The following LDLRAP1 variants were observed in gnomAD, a reference collection of about 807,000 sequenced individuals.
The protein encoded by LDLRAP1 is low density lipoprotein receptor adaptor protein 1.
Under a neutral mutation model 37.8 loss-of-function variants are expected in LDLRAP1, and 30 were observed. The ratio of observed to expected loss-of-function variants is 0.79; its 90% confidence interval spans 0.59 to 1.08. The LOEUF (loss-of-function observed/expected upper bound fraction) is 1.08, where lower values mean the gene tolerates loss of function less well. Among genes scored for constraint, LDLRAP1 ranks in the 50% least tolerant of loss-of-function variants. The pLI, the probability that LDLRAP1 is intolerant of heterozygous loss-of-function variation, is 0.00. For synonymous variants in LDLRAP1, 156 were observed against 169.8 expected (o/e 0.92, Z 0.63); for missense variants, 375 against 401.6 (o/e 0.93, Z 0.57).
intron 1 of LDLRAP1, among the ~76,000 whole-genome samples, chr1:25,546,206 T>C (rs988488290): frequency 6.6e-5 from 10 of 152,208 alleles, no homozygotes; most frequent in African/African-American, 2.4e-4. Flanking sequence ...AGCCTGGCCT[T>C]GGACCTGGTC....
intron 4 of LDLRAP1, among the ~76,000 whole-genome samples, chr1:25,558,791 G>A (rs563753645): frequency 2.6e-5 from 4 of 152,264 alleles, no homozygotes; most frequent in Admixed American, 1.3e-4. Context: ...TGTAAAGCCC[G>A]TTTGCTGTGT....
chr1:25,582,314 T>G, the LDLRAP1 span, among the ~76,000 whole-genome samples: 3 of 152,182 alleles, frequency 2.0e-5, no homozygotes, highest in Non-Finnish European at 4.4e-5. Flanking sequence ...GGTCTGGGCG[T>G]GGTGGCTCAC....
chr1:25,557,455 A>T (rs2124675068), intron 4 of LDLRAP1, 188 bp downstream of exon 4: 1 of 606,934 alleles, frequency 1.6e-6, no homozygotes, highest in Non-Finnish European at 2.9e-6. Flanking sequence ...GCAGGCAGGC[A>T]GGTGAACCGC....
At position 25,554,056 on chromosome 1, in the gene LDLRAP1, G is replaced by A. The variant is rs767491845; in HGVS notation, c.223G>A (p.Val75Met). Residue 75 changes from valine to methionine, a missense_variant, in exon 2 of 9, where the codon GTG becomes ATG. By Grantham distance (21) the Val-to-Met change is conservative. Transcript: ENST00000374338. The surrounding 1 kb of genome is among the most constrained non-coding windows in gnomAD (Gnocchi z 5.4). Reference protein sequence around the residue: ...ELSAAAIKRIVATAKASGKKL... With the variant: ...ELSAAAIKRIMATAKASGKKL... ...GTCGGCCGCCGCCATCAAGAGGATC[G>A]TGGCTACAGTGAGCACCCCAGTCAG... The A allele has an allele frequency of 2.1e-5, 34 of 1,613,874 alleles. No individual in the cohort carries two copies. The highest frequency in any genetic ancestry group is 3.3e-4 in the Middle Eastern group (2 of 6,056).
At chr1:25,558,580 T>C (rs1557704695) in intron 4 of LDLRAP1, among the ~76,000 whole-genome samples, 3 of 152,192 alleles carry the variant, frequency 2.0e-5, no homozygotes, top group Admixed American at 6.5e-5. Context: ...TCCCAGAGAC[T>C]GATCACCTGC....
chr1:25,579,088 T>C, the LDLRAP1 span, among the ~76,000 whole-genome samples: 1 of 152,222 alleles, frequency 6.6e-6, no homozygotes, highest in South Asian at 2.1e-4. Flanking sequence ...CCTTGACTTG[T>C]AGCGCTTGTC....
the LDLRAP1 span, among the ~76,000 whole-genome samples, chr1:25,574,685 G>C: frequency 6.6e-6 from 1 of 152,196 alleles, no homozygotes; most frequent in African/African-American, 2.4e-5. Flanking sequence ...AGAGGCTGAT[G>C]CAGCGAGTGT....
At chr1:25,582,798 A>G in the LDLRAP1 span, among the ~76,000 whole-genome samples, 4 of 151,304 alleles carry the variant, frequency 2.6e-5, no homozygotes, top group East Asian at 4.0e-4. Context: ...TGAGCCGGGT[A>G]CGGTGGCTCA....
chr1:25,588,534 T>G, the LDLRAP1 span, among the ~76,000 whole-genome samples: 1 of 152,316 alleles, frequency 6.6e-6, no homozygotes, highest in East Asian at 1.9e-4. Context: ...TTAACCTTGT[T>G]TATGATGCAG....
chr1:25,548,335 CTTTTTTTT>C (rs144789866), intron 1 of LDLRAP1, among the ~76,000 whole-genome samples: 3 of 82,308 alleles, frequency 3.6e-5, no homozygotes, highest in Non-Finnish European at 4.2e-5. Context: ...GATGGATACT[CTTTTTTTT>C]TTTTTTTTTT....
chr1:25,563,213 G>A, intron 6 of LDLRAP1, 60 bp downstream of exon 6: 1 of 1,470,326 alleles, frequency 6.8e-7, no homozygotes, highest in South Asian at 1.1e-5. Context: ...CTTCACCCAG[G>A]GGGGTCCCAC....
At chr1:25,562,885 C>A in intron 5 of LDLRAP1, 169 bp downstream of exon 5, 3 of 804,300 alleles carry the variant, frequency 3.7e-6, no homozygotes, top group Non-Finnish European at 6.5e-6. Context: ...AAAATGGGAA[C>A]AGCCGTCTCC....
intron 1 of LDLRAP1, among the ~76,000 whole-genome samples, chr1:25,545,632 C>G (rs1456940066): frequency 1.3e-5 from 2 of 152,272 alleles, no homozygotes; most frequent in African/African-American, 4.8e-5. Context: ...AGAGGAGCAC[C>G]TCTCCCCCTC....
intron 1 of LDLRAP1, 29 bp from the exon 2 acceptor site, chr1:25,553,893 G>T: frequency 1.2e-6 from 2 of 1,611,852 alleles, no homozygotes; most frequent in Non-Finnish European, 1.7e-6. Flanking sequence ...GAGCCGCAGG[G>T]TCTGAGGGCC....
intron 1 of LDLRAP1, among the ~76,000 whole-genome samples, chr1:25,548,103 G>C (rs1354019008): frequency 6.6e-6 from 1 of 152,194 alleles, no homozygotes; most frequent in East Asian, 1.9e-4. Flanking sequence ...TCAATTATGA[G>C]CCATGGTCAA....
Position 25,551,149 on chromosome 1 carries a change from T to C in LDLRAP1, c.89-2773T>C, listed in dbSNP as rs149022374. Among the ~76,000 whole-genome samples the C allele has an allele frequency of 1.4e-4, 22 of 152,282 alleles. No individual in the cohort carries two copies. The East Asian group carries it at 4.2e-3, about 29-fold the overall frequency. On this transcript the variant is annotated intron_variant, in intron 1 of 8. Transcript: ENST00000374338. The stretch of plus-strand genomic sequence containing the variant: ...CAGAGGGAAGTAGAGCTGCAATTGA[T>C]TATCAATGTCTGCCAAGGGTGCGGG...
chr1:25,563,858 T>C, intron 7 of LDLRAP1, 67 bp downstream of exon 7: 1 of 1,602,498 alleles, frequency 6.2e-7, no homozygotes, highest in Non-Finnish European at 8.5e-7. Flanking sequence ...CTGGGGCTGC[T>C]CCAGGGACCA....
At chr1:25,545,083 CTAGGCCAG>C (rs2043901393) in intron 1 of LDLRAP1, among the ~76,000 whole-genome samples, 1 of 152,204 alleles carries the variant, frequency 6.6e-6, no homozygotes, top group South Asian at 2.1e-4. Context: ...GGCTGGGCCA[CTAGGCCAG>C]GGGATGTACC....
chr1:25,581,136 C>T, the LDLRAP1 span, among the ~76,000 whole-genome samples: 2 of 152,128 alleles, frequency 1.3e-5, no homozygotes, highest in African/African-American at 4.8e-5. Flanking sequence ...AGCTTCTCAC[C>T]AAAAGCAAAT....
Sources: allele counts gnomAD v4.1 joint callset (sites outside exome capture counted in the v4.1 genomes callset), GRCh38; gene constraint gnomAD v4.1.1; non-coding constraint Gnocchi (gnomAD v3.1); transcripts MANE v1.5; gene names NCBI Gene and HGNC (gene_info 2026-07-23, HGNC 2026-07-21).